TSHZ2: variants seen among roughly 807,000 people sequenced by gnomAD.
TSHZ2 encodes the protein teashirt zinc finger homeobox 2.
TSHZ2 carries 21 observed loss-of-function variants against 74.4 expected under a neutral mutation model. The observed-to-expected ratio is 0.28, with a 90% CI of 0.20 to 0.41. The LOEUF (loss-of-function observed/expected upper bound fraction) is 0.41, where lower values mean the gene tolerates loss of function less well. TSHZ2 is among the 10% of genes least tolerant of loss of function. TSHZ2 has a pLI of 1.00. For missense variants in TSHZ2, 1,244 were observed against 1,293.5 expected (o/e 0.96, Z 0.59); for synonymous variants, 540 against 515.3 (o/e 1.05, Z -0.65).
Position 53,256,717 on chromosome 20 carries a change from G to A in TSHZ2, c.*8+146G>A, listed in dbSNP as rs554868079. The A allele has an allele frequency of 5.2e-6, 7 of 1,341,876 alleles. No individual in the cohort carries two copies. The South Asian group carries it at 1.5e-4, about 29-fold the overall frequency. 83.1% of individuals were successfully genotyped at this position (1,341,876 alleles called of 1,614,324 possible). The stretch of plus-strand genomic sequence containing the variant: ...TAGGATTTATTTTAATGAAAGACCA[G>A]AACATGAAAACTAAGTCCTAATCAT... On this transcript the variant is annotated intron_variant, in intron 2 of 2. Coordinates refer to ENST00000371497, the MANE Select transcript of TSHZ2 (RefSeq NM_173485.6). The surrounding 1 kb of genome is among the most constrained non-coding windows in gnomAD (Gnocchi z 4.3).
At chr20:53,350,717 A>G (rs1980615545) in intron 2 of TSHZ2, among the ~76,000 whole-genome samples, 2 of 152,222 alleles carry the variant, frequency 1.3e-5, no homozygotes, top group East Asian at 1.9e-4. Context: ...GAGAGCTTTT[A>G]CAGTGTTTAA....
intron 1 of TSHZ2, among the ~76,000 whole-genome samples, chr20:53,022,894 T>C (rs1401632631): frequency 1.3e-5 from 2 of 152,226 alleles, no homozygotes; most frequent in Non-Finnish European, 2.9e-5. Flanking sequence ...TATGGAATAA[T>C]TACATGAATA....
At chr20:53,168,665 T>G (rs553549907) in intron 1 of TSHZ2, 1 of 152,276 alleles carries the variant, frequency 6.6e-6, no homozygotes, top group African/African-American at 2.4e-5. Flanking sequence ...CAGTAAACAT[T>G]TATGTTTCAC....
intron 1 of TSHZ2, among the ~76,000 whole-genome samples, chr20:53,218,083 A>T (rs1989476188): frequency 6.6e-6 from 1 of 152,202 alleles, no homozygotes. Flanking sequence ...GGAGCCGCAA[A>T]TGGCAGGCTG....
At chr20:53,337,519 G>T (rs895201208) in intron 2 of TSHZ2, among the ~76,000 whole-genome samples, 1 of 152,188 alleles carries the variant, frequency 6.6e-6, no homozygotes, top group Admixed American at 6.5e-5. Flanking sequence ...GGAGTATGTT[G>T]TTCCTCAGCC....
At chr20:53,068,472 C>A (rs1385557037) in intron 1 of TSHZ2, among the ~76,000 whole-genome samples, 2 of 152,134 alleles carry the variant, frequency 1.3e-5, no homozygotes, top group African/African-American at 2.4e-5. Flanking sequence ...GTCTTCCTCT[C>A]CTTATTCCCT....
At chr20:53,478,639 G>A (rs920853658) in intron 2 of TSHZ2, among the ~76,000 whole-genome samples, 1 of 151,082 alleles carries the variant, frequency 6.6e-6, no homozygotes, top group Non-Finnish European at 1.5e-5. Flanking sequence ...ATGTGCACAT[G>A]TACCCTAAAA....
chr20:53,145,730 G>T (rs1276033926), intron 1 of TSHZ2, among the ~76,000 whole-genome samples: 1 of 152,190 alleles, frequency 6.6e-6, no homozygotes, highest in African/African-American at 2.4e-5. Context: ...AGCTTGCCCT[G>T]TATGGGAACA....
rs1263110407 is a variant in TSHZ2, at chr20:53,434,611, G to GT, written c.*9-52532dup. Among the ~76,000 whole-genome samples the GT allele has an allele frequency of 3.3e-5, 5 of 152,336 alleles. No individual in the cohort carries two copies. In the South Asian group the frequency reaches 1.0e-3, roughly 32 times the overall value. ...GGGATATTAGACTTGTTTTCTACGTGTAGTGGTTATCAGGGTCAGTTCTGC... is the reference window on the plus strand; with the variant it reads ...GGGATATTAGACTTGTTTTCTACGTGTTAGTGGTTATCAGGGTCAGTTCTGC... On this transcript the variant is annotated intron_variant, in intron 2 of 2. Coordinates refer to ENST00000371497, the MANE Select transcript of TSHZ2 (RefSeq NM_173485.6).
At chr20:53,410,788 G>A (rs571603961) in intron 2 of TSHZ2, among the ~76,000 whole-genome samples, 63 of 151,104 alleles carry the variant, frequency 4.2e-4, no homozygotes, top group African/African-American at 1.5e-3. Flanking sequence ...TGATTCTCCT[G>A]CCTCAGCCTT....
At chr20:52,973,530 G>A (rs1370118295) in intron 1 of TSHZ2, among the ~76,000 whole-genome samples, 197 bp downstream of exon 1, 1 of 152,146 alleles carries the variant, frequency 6.6e-6, no homozygotes, top group Non-Finnish European at 1.5e-5. Context: ...GGTTGGGTTG[G>A]GGTGAGCTAT....
In TSHZ2 at chr20:53,063,990, G is replaced by T. The variant is rs1457027113; in HGVS notation, c.40+90657G>T. Among the ~76,000 whole-genome samples, 4 of 152,206 alleles carry T rather than the reference G, an allele frequency of 2.6e-5. No individual in the cohort carries two copies. In the East Asian group the frequency reaches 7.7e-4, roughly 29 times the overall value. ...GCCTCAAGTTATATTTCTTAATAGC[G>T]ATGCAGCAAATTACTATATCTACAT... is the stretch of plus-strand genomic sequence containing the variant. On this transcript the variant is annotated intron_variant, in intron 1 of 2. Transcript: ENST00000371497.
intron 2 of TSHZ2, among the ~76,000 whole-genome samples, chr20:53,437,259 G>T (rs6022465): frequency 2.0e-5 from 3 of 152,100 alleles, no homozygotes; most frequent in African/African-American, 7.2e-5. Context: ...GATCACTTGA[G>T]GTCAGGAGTT....
At chr20:52,983,864 G>C (rs1173738809) in intron 1 of TSHZ2, among the ~76,000 whole-genome samples, 3 of 152,188 alleles carry the variant, frequency 2.0e-5, no homozygotes, top group Admixed American at 2.0e-4. Flanking sequence ...CGCTCTCCAA[G>C]TGGTGCTCCG....
chr20:53,082,322 G>A (rs780089253), intron 1 of TSHZ2, among the ~76,000 whole-genome samples: 22 of 152,158 alleles, frequency 1.4e-4, no homozygotes, highest in African/African-American at 4.6e-4. Context: ...TAGAGCAAGC[G>A]AATTGTTTTA....
intron 2 of TSHZ2, among the ~76,000 whole-genome samples, chr20:53,346,684 A>G (rs150715814): frequency 2.0e-4 from 30 of 152,292 alleles, no homozygotes; most frequent in African/African-American, 6.7e-4. Context: ...TAACCAGGAG[A>G]AAGCACGAAG....
At chr20:53,434,380 C>G (rs1264448572) in intron 2 of TSHZ2, among the ~76,000 whole-genome samples, 2 of 152,144 alleles carry the variant, frequency 1.3e-5, no homozygotes, top group Non-Finnish European at 2.9e-5. Flanking sequence ...CAAGCCCAAG[C>G]CACTGTTTTT....
chr20:53,213,566 C>T (rs1023566376), intron 1 of TSHZ2, among the ~76,000 whole-genome samples: 30 of 151,924 alleles, frequency 2.0e-4, no homozygotes, highest in African/African-American at 6.8e-4. Flanking sequence ...CACACACACA[C>T]GAGAGACAGA....
intron 1 of TSHZ2, among the ~76,000 whole-genome samples, chr20:53,149,416 A>G (rs1476677433): frequency 2.6e-5 from 4 of 152,252 alleles, no homozygotes; most frequent in Admixed American, 2.6e-4. Context: ...CTTACTGTCA[A>G]CGATAGGCTA....
Sources: gnomAD v4.1 joint callset for allele counts (sites outside exome capture counted in the v4.1 genomes callset) on GRCh38, gnomAD v4.1.1 for gene constraint, Gnocchi (gnomAD v3.1) non-coding constraint, MANE v1.5 for transcripts, NCBI Gene and HGNC (gene_info 2026-07-23, HGNC 2026-07-21) for gene names.